Variants in TSPAN11 observed in about 807,000 individuals in gnomAD.
TSPAN11 encodes tetraspanin 11, also known as tetraspanin-11.
A neutral mutation model predicts 32.9 loss-of-function variants in TSPAN11; 29 were observed. That is an observed-to-expected ratio of 0.88 (90% confidence interval 0.66 to 1.20). The LOEUF is 1.20. Among genes scored for constraint, TSPAN11 ranks in the 50% most tolerant of loss-of-function variants. TSPAN11 has a pLI of 0.00. For missense variants in TSPAN11, 283 were observed against 329.1 expected, an observed-to-expected ratio of 0.86 and a Z score of 1.08; for synonymous variants, 140 against 141.3, an observed-to-expected ratio of 0.99 and a Z score of 0.07.
Position 30,992,851 on chromosome 12 carries a change from A to G in TSPAN11, c.*936A>G, listed in dbSNP as rs1939343686. 6.6e-6 allele frequency: 1 copy of G among 151,988 alleles called. No individual in the cohort carries two copies. The highest frequency in any genetic ancestry group is 2.4e-5 in the African/African-American group (1 of 41,250). The allele number at this position is 151,988 out of a possible 1,614,324, so 9.4% of individuals were successfully genotyped here. A position where few individuals can be genotyped will look rare whatever the true frequency, so the allele number is the denominator to read the frequency against. On this transcript the variant is annotated 3_prime_UTR_variant, in exon 8 of 8. Coordinates refer to ENST00000546076, the MANE Select transcript of TSPAN11 (RefSeq NM_001370302.1). ...TCTGAATAGAGGGGCATCTGCCTGA[A>G]CCTCACTTTTCCTGGGGCCCTCTCC...
chr12:30,946,828 C>T (rs1372969029), intron 1 of TSPAN11, among the ~76,000 whole-genome samples: 1 of 152,172 alleles, frequency 6.6e-6, no homozygotes, highest in African/African-American at 2.4e-5. Flanking sequence ...AGTCCCTCTC[C>T]TTTGGGGCTG....
At chr12:30,954,197 A>G (rs7485934) in intron 2 of TSPAN11, 122 bp downstream of exon 2, 61,457 of 734,600 alleles carry the variant, frequency 0.084, 7,330 homozygotes, top group East Asian at 0.48. Flanking sequence ...ACGATCAACC[A>G]TGGGTGAATT....
At chr12:30,943,799 A>G (rs1485896239) in intron 1 of TSPAN11, among the ~76,000 whole-genome samples, 2 of 152,272 alleles carry the variant, frequency 1.3e-5, no homozygotes, top group Non-Finnish European at 2.9e-5. Context: ...CTCATCGGGA[A>G]TGGAGCAGGA....
intron 7 of TSPAN11, among the ~76,000 whole-genome samples, chr12:30,984,650 C>T (rs1169178227): frequency 6.6e-6 from 1 of 151,044 alleles, no homozygotes; most frequent in Non-Finnish European, 1.5e-5. Context: ...CCTCCGCCTC[C>T]CAGGTTCAAG....
chr12:30,961,686 G>A (rs1054813793), intron 2 of TSPAN11, among the ~76,000 whole-genome samples: 1 of 151,992 alleles, frequency 6.6e-6, no homozygotes, highest in African/African-American at 2.4e-5. Context: ...AATCAAAGGG[G>A]TTCCCAGTAG....
chr12:31,007,806 G>A, the TSPAN11 span, among the ~76,000 whole-genome samples: 12,748 of 152,198 alleles, frequency 0.084, 750 homozygotes, highest in South Asian at 0.21. Context: ...TTCGTCTCGG[G>A]GAGCAGGGAC....
chr12:30,970,458 C>T lies in TSPAN11; in HGVS notation c.276+6441C>T, dbSNP rs536929909. ...TAGACCCCCAACATTTGGGCTGGGA[C>T]ATTGAAGGGCCTCAGCCACATTTTC... On this transcript the variant is annotated intron_variant, in intron 3 of 7. Transcript: ENST00000546076. 1.7e-4 allele frequency among the ~76,000 whole-genome samples: 26 copies of T among 152,316 alleles called. No homozygotes were observed. The South Asian group carries it at 5.0e-3, about 29-fold the overall frequency.
intron 2 of TSPAN11, among the ~76,000 whole-genome samples, chr12:30,963,546 C>CTCA (rs1414825447): frequency 6.6e-6 from 1 of 152,166 alleles, no homozygotes; most frequent in East Asian, 1.9e-4. Flanking sequence ...CTCCCCTGGC[C>CTCA]TCATACGCAA....
the TSPAN11 span, among the ~76,000 whole-genome samples, chr12:31,001,812 T>C: frequency 2.6e-5 from 4 of 152,076 alleles, no homozygotes; most frequent in Non-Finnish European, 4.4e-5. Flanking sequence ...AGTCACCAGA[T>C]GTCCCCAGGG....
intron 1 of TSPAN11, among the ~76,000 whole-genome samples, chr12:30,937,659 C>T (rs1938073960): frequency 6.6e-6 from 1 of 152,178 alleles, no homozygotes; most frequent in Non-Finnish European, 1.5e-5. Flanking sequence ...TTTTTGTCTA[C>T]CATCCCCAAG....
chr12:30,996,320 A>C lies in TSPAN11; in HGVS notation c.*4405A>C, dbSNP rs1939417061. On this transcript the variant is annotated 3_prime_UTR_variant, in exon 8 of 8. Transcript: ENST00000546076. ...ATTTCAGCAGTGCCCAGTCCTGCTT[A>C]TAAACCTGAGGCCTGCTCCCCATAC... 1 of 152,200 alleles carries C rather than the reference A, an allele frequency of 6.6e-6. No homozygotes were observed. Among genetic ancestry groups the C allele is most frequent in the Non-Finnish European group, 1.5e-5 (1 of 68,044 alleles). The allele number at this position is 152,200 out of a possible 1,614,324, so 9.4% of individuals were successfully genotyped here. A position where few individuals can be genotyped will look rare whatever the true frequency, so the allele number is the denominator to read the frequency against.
At chr12:30,970,999 G>T (rs1592486250) in intron 3 of TSPAN11, among the ~76,000 whole-genome samples, 1 of 152,074 alleles carries the variant, frequency 6.6e-6, no homozygotes, top group Admixed American at 6.5e-5. Flanking sequence ...CCCTCCCTCC[G>T]GCTTCCTCTG....
intron 1 of TSPAN11, among the ~76,000 whole-genome samples, chr12:30,930,946 C>T (rs1030807041): frequency 2.6e-5 from 4 of 152,196 alleles, no homozygotes; most frequent in African/African-American, 9.7e-5. Flanking sequence ...CACATACAAG[C>T]ACATGGCCCT....
chr12:30,942,057 G>A (rs145343799), intron 1 of TSPAN11, among the ~76,000 whole-genome samples: 1 of 152,348 alleles, frequency 6.6e-6, no homozygotes, highest in East Asian at 1.9e-4. Flanking sequence ...TGCACTAGCA[G>A]GCCGGTGGGC....
chr12:30,954,054 T>G lies in TSPAN11; in HGVS notation c.63T>G (p.Phe21Leu), dbSNP rs1314306692. ...TCATCTACTTGAAGTATTTACTCTT[T>G]GTCTTCAACTTCTTCTTCTGGGTGA... ...WLIIYLKYLL[F>L]VFNFFFWVGG... Residue 21 changes from phenylalanine to leucine, a missense_variant, in exon 2 of 8, where the codon TTT becomes TTG. Phe to Leu is a conservative substitution (Grantham distance 22, BLOSUM62 0). Coordinates refer to ENST00000546076, the MANE Select transcript of TSPAN11 (RefSeq NM_001370302.1). The G allele has an allele frequency of 6.2e-7, 1 of 1,613,634 alleles. No homozygotes were observed. Among genetic ancestry groups the G allele is most frequent in the Non-Finnish European group, 8.5e-7 (1 of 1,179,720 alleles).
chr12:31,006,411 A>G, the TSPAN11 span, among the ~76,000 whole-genome samples: 21 of 152,222 alleles, frequency 1.4e-4, no homozygotes, highest in Admixed American at 1.4e-3. Flanking sequence ...TTTCAAACTA[A>G]CTTTAATTCA....
chr12:30,978,436 G>A (rs1382132899), intron 3 of TSPAN11, 125 bp from the exon 4 acceptor site: 2 of 911,054 alleles, frequency 2.2e-6, no homozygotes, highest in Non-Finnish European at 3.5e-6. Flanking sequence ...GTACATCCAG[G>A]AGGAAGATGG....
chr12:30,963,921 C>CGG lies in TSPAN11; in HGVS notation c.181_182insGG (p.Ala61GlyfsTer14), dbSNP rs1565796580. ...TGGCCTCCAGCACCTTTGCCGCCTC[C>CGG]GCCTACATCCTCATCTTTGCGGGCG... On this transcript the variant is annotated frameshift_variant, in exon 3 of 8. Transcript: ENST00000546076. LOFTEE classifies it high-confidence loss of function. 2.5e-6 allele frequency: 4 copies of CGG among 1,613,890 alleles called. No individual in the cohort carries two copies. The highest frequency in any genetic ancestry group is 3.4e-6 in the Non-Finnish European group (4 of 1,179,920).
chr12:30,968,322 C>T (rs1592484304), intron 3 of TSPAN11, among the ~76,000 whole-genome samples: 1 of 152,222 alleles, frequency 6.6e-6, no homozygotes, highest in African/African-American at 2.4e-5. Context: ...CATCCAGCTT[C>T]CACACAGGCA....
Sources: gnomAD v4.1 joint callset for allele counts (sites outside exome capture counted in the v4.1 genomes callset) on GRCh38, gnomAD v4.1.1 for gene constraint, MANE v1.5 for transcripts, NCBI Gene and HGNC (gene_info 2026-07-23, HGNC 2026-07-21) for gene names.